Variants in SLC16A2 observed in about 807,000 individuals in gnomAD.
SLC16A2 encodes the protein monocarboxylate transporter 8.
SLC16A2 carries 3 observed loss-of-function variants against 27.2 expected under a neutral mutation model. The observed-to-expected ratio is 0.11, with a 90% CI of 0.05 to 0.28. The LOEUF (loss-of-function observed/expected upper bound fraction) is 0.28, where lower values mean the gene tolerates loss of function less well. SLC16A2 is among the 10% of genes least tolerant of loss of function. The probability of loss-of-function intolerance (pLI) is 1.00; values close to 1 mark genes in which losing one functional copy is unlikely to be tolerated. For missense variants in SLC16A2, 295 were observed against 458.5 expected, an observed-to-expected ratio of 0.64 and a Z score of 3.26; for synonymous variants, 202 against 187.8, an observed-to-expected ratio of 1.08 and a Z score of -0.62.
rs1160242213 is a variant in SLC16A2 at position 74,427,822 on chromosome X, C to T, written c.430+5755C>T. Among the ~76,000 whole-genome samples the T allele has an allele frequency of 3.5e-4, 38 of 109,710 alleles. No individual in the cohort carries two copies. In the East Asian group the frequency reaches 9.5e-3, roughly 27 times the overall value. On this transcript the variant is annotated intron_variant, in intron 1 of 5. Coordinates refer to ENST00000587091, the MANE Select transcript of SLC16A2 (RefSeq NM_006517.5). ...GCGTGCACGCGCGCGCACACACACA[C>T]ACACACACACACACACACACCCATA...
chrX:74,511,727 G>T (rs1334892886), intron 1 of SLC16A2, among the ~76,000 whole-genome samples: 3 of 112,398 alleles, frequency 2.7e-5, no homozygotes. Context: ...TAGAGTGTCT[G>T]AGTGCTGGAA....
intron 1 of SLC16A2, among the ~76,000 whole-genome samples, chrX:74,442,558 T>C (rs1602108759): frequency 8.9e-6 from 1 of 112,193 alleles, no homozygotes; most frequent in African/African-American, 3.2e-5. Context: ...CCAATATTTA[T>C]TGAGCATTTA....
At chrX:74,470,186 C>G (rs1929328125) in intron 1 of SLC16A2, among the ~76,000 whole-genome samples, 2 of 112,129 alleles carry the variant, frequency 1.8e-5, no homozygotes, top group African/African-American at 6.5e-5. Flanking sequence ...ACTCCACTGT[C>G]CAGATGTACC....
chrX:74,451,810 A>T (rs1008750122), intron 1 of SLC16A2, among the ~76,000 whole-genome samples: 2 of 113,160 alleles, frequency 1.8e-5, no homozygotes, highest in African/African-American at 3.2e-5. Context: ...GAAGAATGTG[A>T]CAGCAAATGT....
intron 1 of SLC16A2, among the ~76,000 whole-genome samples, chrX:74,471,012 C>A (rs1275709089): frequency 1.8e-5 from 2 of 111,894 alleles, no homozygotes; most frequent in Non-Finnish European, 3.8e-5. Flanking sequence ...ATTAACAATT[C>A]TTTATCAGAT....
chrX:74,478,104 G>T (rs909548642), intron 1 of SLC16A2, among the ~76,000 whole-genome samples: 1 of 111,478 alleles, frequency 9.0e-6, no homozygotes, highest in African/African-American at 3.3e-5. Context: ...GTCTCCCCTT[G>T]TTATTGTGTG....
chrX:74,487,407 G>A (rs1929740973), intron 1 of SLC16A2, among the ~76,000 whole-genome samples: 1 of 111,367 alleles, frequency 9.0e-6, no homozygotes, highest in Non-Finnish European at 1.9e-5. Context: ...TTTATAGGGA[G>A]AGCTGGGTAG....
intron 1 of SLC16A2, among the ~76,000 whole-genome samples, chrX:74,453,571 TTTTA>T (rs772057691): frequency 9.0e-6 from 1 of 111,493 alleles, no homozygotes; most frequent in African/African-American, 3.3e-5. Context: ...AACTGTTATT[TTTTA>T]TTTATTTATT....
intron 1 of SLC16A2, among the ~76,000 whole-genome samples, chrX:74,474,893 G>T (rs1929435070): frequency 9.0e-6 from 1 of 110,523 alleles, no homozygotes; most frequent in Non-Finnish European, 1.9e-5. Context: ...TGGACATTTG[G>T]GTTGGTTCCA....
chrX:74,511,186 T>C (rs2147866416), intron 1 of SLC16A2, among the ~76,000 whole-genome samples: 1 of 111,246 alleles, frequency 9.0e-6, no homozygotes, highest in African/African-American at 3.2e-5. Flanking sequence ...ATTTTATTTA[T>C]TTTATTTTTT....
chrX:74,434,973 G>A (rs1267697659), intron 1 of SLC16A2, among the ~76,000 whole-genome samples: 8 of 105,245 alleles, frequency 7.6e-5, no homozygotes, highest in Non-Finnish European at 1.6e-4. Context: ...ACAGGCACAT[G>A]CCACCATGCC....
chrX:74,478,844 G>A (rs961511249), intron 1 of SLC16A2, among the ~76,000 whole-genome samples: 3 of 112,063 alleles, frequency 2.7e-5, no homozygotes, highest in Non-Finnish European at 3.8e-5. Flanking sequence ...AGTTTCTGCC[G>A]ATAGATCTGC....
At chrX:74,509,622 G>A (rs190442689) in intron 1 of SLC16A2, among the ~76,000 whole-genome samples, 1,133 of 110,978 alleles carry the variant, frequency 0.01, 8 homozygotes, top group African/African-American at 0.033. Flanking sequence ...GGAGTGCAGC[G>A]GCGCAATCTC....
chrX:74,466,680 T>C (rs1427623361), intron 1 of SLC16A2, among the ~76,000 whole-genome samples: 3 of 112,025 alleles, frequency 2.7e-5, no homozygotes, highest in African/African-American at 9.7e-5. Flanking sequence ...AACCCACTGA[T>C]AAGGAGGCAA....
chrX:74,423,392 A>T (rs1928348750), intron 1 of SLC16A2, among the ~76,000 whole-genome samples: 1 of 111,762 alleles, frequency 8.9e-6, no homozygotes, highest in South Asian at 3.7e-4. Context: ...TGAACATAGA[A>T]ACCTTGAATT....
intron 1 of SLC16A2, among the ~76,000 whole-genome samples, chrX:74,474,187 G>A (rs1929416879): frequency 9.0e-6 from 1 of 111,550 alleles, no homozygotes; most frequent in South Asian, 3.7e-4. Context: ...AATATTAAGT[G>A]TTCTGATCCA....
At chrX:74,490,124 G>C (rs913705382) in intron 1 of SLC16A2, among the ~76,000 whole-genome samples, 1 of 110,013 alleles carries the variant, frequency 9.1e-6, no homozygotes, top group Non-Finnish European at 1.9e-5. Flanking sequence ...TCAGTAGAAA[G>C]GTAACAGCAG....
At chrX:74,506,541 A>G (rs979743949) in intron 1 of SLC16A2, among the ~76,000 whole-genome samples, 1 of 111,463 alleles carries the variant, frequency 9.0e-6, no homozygotes, top group Non-Finnish European at 1.9e-5. Flanking sequence ...GCACCCCTGG[A>G]GGCAGGTGAG....
At chrX:74,502,798 A>G (rs1452754420) in intron 1 of SLC16A2, among the ~76,000 whole-genome samples, 3 of 111,079 alleles carry the variant, frequency 2.7e-5, no homozygotes, top group Non-Finnish European at 1.9e-5. Context: ...AGTTGATCCA[A>G]TCCATTGCCT....
Sources: allele counts gnomAD v4.1 joint callset (sites outside exome capture counted in the v4.1 genomes callset), GRCh38; gene constraint gnomAD v4.1.1; transcripts MANE v1.5; gene names NCBI Gene and HGNC (gene_info 2026-07-23, HGNC 2026-07-21).